Variants in CCDC169 observed in about 807,000 individuals in gnomAD.
CCDC169 encodes coiled-coil domain containing 169.
In CCDC169, 30 loss-of-function variants were observed where a neutral mutation model predicts 36.0. The ratio of observed to expected loss-of-function variants is 0.83; its 90% CI spans 0.62 to 1.13. The LOEUF (loss-of-function observed/expected upper bound fraction) is 1.13, where lower values mean the gene tolerates loss of function less well. CCDC169 is among the 50% of genes most tolerant of loss of function. CCDC169 has a pLI of 0.00. For synonymous variants in CCDC169, 85 were observed against 81.5 expected, an observed-to-expected ratio of 1.04 and a Z score of -0.23; for missense variants, 245 against 245.9, an observed-to-expected ratio of 1.00 and a Z score of 0.03.
At chr13:36,247,162 C>T (rs1266269945) in intron 7 of CCDC169, among the ~76,000 whole-genome samples, 1 of 152,098 alleles carries the variant, frequency 6.6e-6, no homozygotes, top group African/African-American at 2.4e-5. Flanking sequence ...ATATTTTAAG[C>T]CCAGTGTTGA....
downstream of CCDC169, among the ~76,000 whole-genome samples, chr13:36,228,741 G>C (rs1271614580): frequency 6.6e-6 from 1 of 151,954 alleles, no homozygotes; most frequent in Non-Finnish European, 1.5e-5. Context: ...TGTAGAGATG[G>C]AGTTTTGCCA....
chr13:36,290,281 T>C (rs1309454705), intron 2 of CCDC169, among the ~76,000 whole-genome samples: 1 of 152,196 alleles, frequency 6.6e-6, no homozygotes, highest in Non-Finnish European at 1.5e-5. Flanking sequence ...TGCCTCTATC[T>C]AAAATAATAT....
At chr13:36,264,665 G>A (rs1324406536) in intron 4 of CCDC169, among the ~76,000 whole-genome samples, 1 of 152,112 alleles carries the variant, frequency 6.6e-6, no homozygotes, top group Admixed American at 6.5e-5. Flanking sequence ...TAATATACCT[G>A]TACTTCCTTT....
chr13:36,228,567 T>TC (rs1413111143), downstream of CCDC169, among the ~76,000 whole-genome samples: 1 of 152,160 alleles, frequency 6.6e-6, no homozygotes, highest in Non-Finnish European at 1.5e-5. Context: ...GATTTTTTTT[T>TC]CTTTTTCTTT....
At chr13:36,243,327 C>G (rs1872088814) in intron 7 of CCDC169, among the ~76,000 whole-genome samples, 1 of 151,950 alleles carries the variant, frequency 6.6e-6, no homozygotes, top group South Asian at 2.1e-4. Flanking sequence ...TGGCGAAACC[C>G]TGTCTCTACT....
chr13:36,286,290 A>G (rs1486218315), intron 2 of CCDC169, among the ~76,000 whole-genome samples: 1 of 152,150 alleles, frequency 6.6e-6, no homozygotes, highest in Non-Finnish European at 1.5e-5. Context: ...ACCTCTGGAG[A>G]AGCTGAGAAA....
chr13:36,293,105 GAAGA>G (rs4054837), intron 2 of CCDC169, among the ~76,000 whole-genome samples: 34,778 of 151,816 alleles, frequency 0.23, 4,413 homozygotes, highest in South Asian at 0.35. Context: ...AGAGGTTTGA[GAAGA>G]AAGCAGAAAG....
At chr13:36,246,512 G>C (rs2138441299) in intron 7 of CCDC169, among the ~76,000 whole-genome samples, 1 of 152,344 alleles carries the variant, frequency 6.6e-6, no homozygotes, top group African/African-American at 2.4e-5. Flanking sequence ...GCTGAGAGAA[G>C]TGAGAAAGCT....
chr13:36,230,600 T>C (rs966405261), downstream of CCDC169, among the ~76,000 whole-genome samples: 13 of 152,190 alleles, frequency 8.5e-5, no homozygotes, highest in Non-Finnish European at 1.8e-4. Flanking sequence ...AGAAAGTGTA[T>C]AGTTTTGCTT....
intron 2 of CCDC169, among the ~76,000 whole-genome samples, chr13:36,286,482 T>TG (rs993179356): frequency 6.6e-6 from 1 of 152,142 alleles, no homozygotes; most frequent in Non-Finnish European, 1.5e-5. Context: ...CTCAGTTGCC[T>TG]GGGGGAGCCA....
chr13:36,264,445 A>G (rs921218280), intron 4 of CCDC169, among the ~76,000 whole-genome samples: 1 of 152,128 alleles, frequency 6.6e-6, no homozygotes, highest in African/African-American at 2.4e-5. Flanking sequence ...AAAAAGTAGG[A>G]TACCTAGGGA....
At chr13:36,237,252 A>G (rs966530831) in intron 7 of CCDC169, among the ~76,000 whole-genome samples, 1 of 152,120 alleles carries the variant, frequency 6.6e-6, no homozygotes, top group East Asian at 1.9e-4. Flanking sequence ...ATATCACTTC[A>G]CATCCACTAG....
At chr13:36,272,947 C>G (rs1876298468) in intron 4 of CCDC169, among the ~76,000 whole-genome samples, 1 of 152,136 alleles carries the variant, frequency 6.6e-6, no homozygotes, top group South Asian at 2.1e-4. Flanking sequence ...CTTTCTCACC[C>G]CCACCTTCTT....
chr13:36,222,264 C>T (rs1225832515), downstream of CCDC169: 1 of 152,254 alleles, frequency 6.6e-6, no homozygotes, highest in East Asian at 1.9e-4. Flanking sequence ...GGTAGGGGAT[C>T]CCAAACAAAG....
intron 4 of CCDC169, among the ~76,000 whole-genome samples, chr13:36,268,309 T>C (rs1216172566): frequency 6.6e-6 from 1 of 152,028 alleles, no homozygotes; most frequent in Non-Finnish European, 1.5e-5. Context: ...AGAAATCAAC[T>C]CCAAAAGGAA....
At chr13:36,283,560 A>G in intron 3 of CCDC169, 32 bp downstream of exon 3, 1 of 1,550,956 alleles carries the variant, frequency 6.4e-7, no homozygotes, top group East Asian at 2.4e-5. Context: ...TTTAACTCAA[A>G]TTATAAAATG....
intron 4 of CCDC169, among the ~76,000 whole-genome samples, chr13:36,263,310 T>A (rs1458615570): frequency 6.6e-6 from 1 of 152,156 alleles, no homozygotes; most frequent in Non-Finnish European, 1.5e-5. Context: ...TTCTTGCAAA[T>A]TAAAGGGAAA....
chr13:36,254,458 G>A (rs1056288220), intron 4 of CCDC169, among the ~76,000 whole-genome samples: 2 of 151,660 alleles, frequency 1.3e-5, no homozygotes, highest in African/African-American at 2.4e-5. Flanking sequence ...TGTGTTTTTA[G>A]TAGAGACGTG....
chr13:36,280,490 C>A (rs1475850458), intron 4 of CCDC169: 1 of 152,062 alleles, frequency 6.6e-6, no homozygotes, highest in African/African-American at 2.4e-5. Context: ...TTGAAAAATG[C>A]ACATGAAGAG....
Sources: allele counts gnomAD v4.1 joint callset (sites outside exome capture counted in the v4.1 genomes callset), GRCh38; gene constraint gnomAD v4.1.1; transcripts MANE v1.5; gene names NCBI Gene and HGNC (gene_info 2026-07-23, HGNC 2026-07-21).